ZAN: variants seen among roughly 807,000 people sequenced by gnomAD.
ZAN encodes zonadhesin (gene/pseudogene).
A neutral mutation model predicts 286.2 loss-of-function variants in ZAN; 260 were observed. The ratio of observed to expected loss-of-function variants is 0.91; its 90% CI spans 0.82 to 1.01. The LOEUF is 1.01. Ranked by LOEUF, ZAN falls within the 50% of genes least tolerant of loss-of-function variation. The pLI is 0.00. For synonymous variants in ZAN, 1,368 were observed against 1,417.5 expected (o/e 0.97, Z 0.79); for missense variants, 3,410 against 3,639.2 (o/e 0.94, Z 1.62).
At chr7:100,735,550 G>GAAA (rs368199475) in intron 2 of ZAN, among the ~76,000 whole-genome samples, 170 bp from the exon 3 acceptor site, 2 of 105,408 alleles carry the variant, frequency 1.9e-5, no homozygotes, top group African/African-American at 7.2e-5. Context: ...CTGGGTGCCG[G>GAAA]AAAAAAAAAA....
rs985525623 is a variant in ZAN at position 100,753,298 on chromosome 7, A to T, written c.3124+69A>T. 5.4e-6 allele frequency: 8 copies of T among 1,478,358 alleles called. No individual in the cohort carries two copies. In the African/African-American group the frequency reaches 9.9e-5, roughly 18 times the overall value. The allele number at this position is 1,478,358 out of a possible 1,614,324, so 91.6% of individuals were successfully genotyped here. On this transcript the variant is annotated intron_variant, in intron 14 of 47. Transcript: ENST00000613979. ...CAATGACTAGGAGACAGTCAGGGAAAGGGATGCTTCTGGTAGAAGCCTTCT... is the reference window on the plus strand; with the variant it reads ...CAATGACTAGGAGACAGTCAGGGAATGGGATGCTTCTGGTAGAAGCCTTCT...
At chr7:100,762,419 CT>C (rs869138443) in intron 20 of ZAN, 61 bp downstream of exon 20, 142,066 of 1,000,400 alleles carry the variant, frequency 0.14, 439 homozygotes, top group East Asian at 0.26. Context: ...CTGGAACTCT[CT>C]TTTTTTTTTT....
rs1288933991 is a variant in ZAN, at chr7:100,773,771, C to T, written c.5685C>T (p.Cys1895=). 3 of 1,612,082 alleles carry T rather than the reference C, an allele frequency of 1.9e-6. No individual in the cohort carries two copies. Among genetic ancestry groups the T allele is most frequent in the Admixed American group, 1.7e-5 (1 of 59,734 alleles). ...ACACCTGCACCAGGCTCTGCACCTG[C>T]TCCGTCCACAACAACATCACCTGCT... ...TENTCTRLCT[C]SVHNNITCFQ... The change falls in exon 31 of 48, where the codon TGC becomes TGT. Residue 1895 remains cysteine, a synonymous_variant. Coordinates refer to ENST00000613979, the MANE Select transcript of ZAN (RefSeq NM_003386.3).
chr7:100,749,650 AAAT>A (rs1562921290), intron 11 of ZAN, among the ~76,000 whole-genome samples: 2 of 121,182 alleles, frequency 1.7e-5, no homozygotes, highest in Non-Finnish European at 3.5e-5. Context: ...AAAAAAAAAA[AAAT>A]ATATATATAT....
In ZAN at chr7:100,748,488, C is replaced by T. The variant is rs775010742; in HGVS notation, c.1249+18C>T. On this transcript the variant is annotated intron_variant, in intron 11 of 47. Coordinates refer to ENST00000613979, the MANE Select transcript of ZAN (RefSeq NM_003386.3). ...TAATGCAGGTGAGGAGATTGAGGAG[C>T]GCTCACGCCAAGAAATCACTCAGTC... 10 of 1,598,720 alleles carry T rather than the reference C, an allele frequency of 6.3e-6. No homozygotes were observed. The highest frequency in any genetic ancestry group is 3.5e-5 in the Admixed American group (2 of 56,948).
In ZAN at chr7:100,762,326, C is replaced by G. The variant is rs1439599917; in HGVS notation, c.3954C>G (p.Asn1318Lys). Residue 1318 changes from asparagine (N) to lysine (K), a missense_variant, in exon 20 of 48, where the codon AAC becomes AAG. By Grantham distance (94) the Asn-to-Lys change is moderately conservative. Transcript: ENST00000613979. ...SPAGDKEELG[N>K]SWQTDQDEDQ... ...CAGGAGACAAGGAGGAGCTGGGGAA[C>G]AGCTGGCAGACGGACCAGGACGAGG... is the stretch of plus-strand genomic sequence containing the variant. 1.9e-6 allele frequency: 3 copies of G among 1,612,464 alleles called. No homozygotes were observed. Among genetic ancestry groups the G allele is most frequent in the Non-Finnish European group, 1.7e-6 (2 of 1,179,272 alleles).
rs374455509 is a variant in ZAN at position 100,791,036 on chromosome 7, C to T, written c.7452C>T (p.Gly2484=). The change falls in exon 40 of 48, where the codon GGC becomes GGT. Residue 2484 remains glycine (G), a synonymous_variant. Transcript: ENST00000613979. ...AGAATGACATGATGCTGCCCAGTGGCGCCCTGACCCAGAACCTCAACACCT... is the reference window on the plus strand; with the variant it reads ...AGAATGACATGATGCTGCCCAGTGGTGCCCTGACCCAGAACCTCAACACCT... ...NRKNDMMLPS[G]ALTQNLNTFG... 28 of 1,612,744 alleles carry T rather than the reference C, an allele frequency of 1.7e-5. No homozygotes were observed. Among genetic ancestry groups the T allele is most frequent in the East Asian group, 4.5e-5 (2 of 44,856 alleles).
chr7:100,755,495 A>T, intron 15 of ZAN, 85 bp downstream of exon 15: 1 of 1,505,240 alleles, frequency 6.6e-7, no homozygotes. Context: ...CCCCATGTGA[A>T]GGCAACAGGG....
Position 100,766,567 on chromosome 7 carries a change from G to C in ZAN, c.4513G>C (p.Val1505Leu), listed in dbSNP as rs368074594. ...WYKPGCKELC[V>L]CESNNRIRCQ... Reference sequence around the variant, plus strand: ...CAAGCCAGGCTGCAAAGAGTTGTGCGTCTGTGAAAGCAACAACAGAATTCG... The same window carrying C: ...CAAGCCAGGCTGCAAAGAGTTGTGCCTCTGTGAAAGCAACAACAGAATTCG... Residue 1505 changes from valine to leucine, a missense_variant, in exon 24 of 48, where the codon GTC becomes CTC. Val to Leu is a conservative substitution (Grantham distance 32). Around this residue, in one of 7 missense-constraint regions of ZAN, gnomAD observed 1,042 missense variants for 1,058.0 expected, o/e 0.98. Transcript: ENST00000613979. The C allele has an allele frequency of 6.4e-7, 1 of 1,552,124 alleles. No individual in the cohort carries two copies. The highest frequency in any genetic ancestry group is 8.7e-7 in the Non-Finnish European group (1 of 1,147,232).
Position 100,791,022 on chromosome 7 carries a change from A to G in ZAN, c.7438A>G (p.Met2480Val), listed in dbSNP as rs376020540. Reference sequence around the variant, plus strand: ...CGACAAGAACCGCAAGAATGACATGATGCTGCCCAGTGGCGCCCTGACCCA... The same window carrying G: ...CGACAAGAACCGCAAGAATGACATGGTGCTGCCCAGTGGCGCCCTGACCCA... Reference protein sequence around the residue: ...NYDKNRKNDMMLPSGALTQNL... With the variant: ...NYDKNRKNDMVLPSGALTQNL... Residue 2480 changes from methionine (M) to valine (V), a missense_variant, in exon 40 of 48, where the codon ATG becomes GTG. Physicochemically the swap from Met to Val is conservative, Grantham distance 21 (BLOSUM62 1). Transcript: ENST00000613979. The G allele has an allele frequency of 3.1e-6, 5 of 1,612,800 alleles. No individual in the cohort carries two copies. Among genetic ancestry groups the G allele is most frequent in the Non-Finnish European group, 3.4e-6 (4 of 1,179,564 alleles).
chr7:100,758,272 G>A lies in ZAN; in HGVS notation c.3380G>A (p.Cys1127Tyr). Residue 1127 changes from cysteine to tyrosine, a missense_variant, in exon 16 of 48, where the codon TGC becomes TAC. Physicochemically the swap from Cys to Tyr is radical, Grantham distance 194. This residue lies in a region of ZAN where 1,042 missense variants were observed against 1,058.0 expected (regional missense o/e 0.98). Transcript: ENST00000613979. ...CRCWPGSRVE[C>Y]QISQCGTHTV... ...TGCTGGCCCGGCAGTCGGGTCGAGT[G>A]CCAGATCTCTCAGTGTGGGACACAC... 1 of 1,613,410 alleles carries A rather than the reference G, an allele frequency of 6.2e-7. No homozygotes were observed. The highest frequency in any genetic ancestry group is 8.5e-7 in the Non-Finnish European group (1 of 1,179,888).
At chr7:100,746,795 AG>A in intron 8 of ZAN, 93 bp downstream of exon 8, 2 of 1,442,876 alleles carry the variant, frequency 1.4e-6, no homozygotes, top group South Asian at 2.5e-5. Context: ...CTCAGGGTCT[AG>A]GGAGGTCTGG....
At position 100,779,595 on chromosome 7, in the gene ZAN, G is replaced by C. The variant is rs773132414; in HGVS notation, c.6467G>C (p.Arg2156Pro). ...RAPVWAQCAS[R>P]IDLTPFLVDC... ...CCTGTGTGGGCCCAGTGCGCCTCCCGCATAGACCTCACGCCCTTCCTGGTG... is the reference window on the plus strand; with the variant it reads ...CCTGTGTGGGCCCAGTGCGCCTCCCCCATAGACCTCACGCCCTTCCTGGTG... The change falls in exon 35 of 48, where the codon CGC becomes CCC. Residue 2156 changes from arginine to proline, a missense_variant. Coordinates refer to ENST00000613979, the MANE Select transcript of ZAN (RefSeq NM_003386.3). The C allele has an allele frequency of 6.2e-7, 1 of 1,608,380 alleles. No homozygotes were observed. The highest frequency in any genetic ancestry group is 8.5e-7 in the Non-Finnish European group (1 of 1,177,530).
chr7:100,795,153 T>TCCTCCCAGGGCCCC, intron 44 of ZAN, 43 bp from the exon 45 acceptor site: 1 of 1,577,146 alleles, frequency 6.3e-7, no homozygotes, highest in Middle Eastern at 2.0e-4. Flanking sequence ...GCTGGGAGTG[T>TCCTCCCAGGGCCCC]CCTCCCAGGG....
At chr7:100,754,482 T>A (rs577491526) in intron 14 of ZAN, among the ~76,000 whole-genome samples, 26 of 151,806 alleles carry the variant, frequency 1.7e-4, no homozygotes, top group Admixed American at 8.5e-4. Flanking sequence ...TAAAAATAAA[T>A]AAATAAATAA....
intron 40 of ZAN, among the ~76,000 whole-genome samples, chr7:100,791,482 C>A (rs1256821289): frequency 6.6e-6 from 1 of 152,104 alleles, no homozygotes; most frequent in Non-Finnish European, 1.5e-5. Context: ...TCTCAGCTCA[C>A]TGCAACCTCT....
At chr7:100,771,779 A>G (rs1810380463) in intron 28 of ZAN, 65 bp from the exon 29 acceptor site, 2 of 1,516,218 alleles carry the variant, frequency 1.3e-6, no homozygotes. Flanking sequence ...AGCCCCAGGG[A>G]AGCCACATGG....
In ZAN at chr7:100,765,645, G is replaced by A. The variant is rs184301974; in HGVS notation, c.4470+91G>A. 471 of 1,429,448 alleles carry A rather than the reference G, an allele frequency of 3.3e-4. 8 individuals are homozygous for A. In the South Asian group the frequency reaches 6.0e-3, roughly 18 times the overall value. The allele number at this position is 1,429,448 out of a possible 1,614,324, so 88.5% of individuals were successfully genotyped here. ...CCTGCAAGCTCTTTCTTTTCTTTTC[G>A]TTTCTTGTTTTGTTTTGTTTTTGAG... On this transcript the variant is annotated intron_variant, in intron 23 of 47. Coordinates refer to ENST00000613979, the MANE Select transcript of ZAN (RefSeq NM_003386.3).
Position 100,775,477 on chromosome 7 carries a change from G to A in ZAN, c.5929G>A (p.Glu1977Lys), listed in dbSNP as rs759680506. 6 of 1,613,856 alleles carry A rather than the reference G, an allele frequency of 3.7e-6. No homozygotes were observed. The highest frequency in any genetic ancestry group is 5.1e-6 in the Non-Finnish European group (6 of 1,179,898). ...CTTCTTCAAGATCAGTGCCAAGCAT[G>A]AGAAGGAGGAAGGTGGAACTGAGGC... Reference protein sequence around the residue: ...LPFFKISAKHEKEEGGTEAFR... With the variant: ...LPFFKISAKHKKEEGGTEAFR... Residue 1977 changes from glutamate to lysine, a missense_variant, in exon 32 of 48, where the codon GAG (glutamate) becomes AAG (lysine). Physicochemically the swap from Glu to Lys is moderately conservative, Grantham distance 56 (BLOSUM62 1). Around this residue, in one of 7 missense-constraint regions of ZAN, gnomAD observed 1,289 missense variants for 1,314.3 expected, o/e 0.98. Transcript: ENST00000613979.
Sources: gnomAD v4.1 joint callset for allele counts (sites outside exome capture counted in the v4.1 genomes callset) on GRCh38, gnomAD v4.1.1 for gene constraint, gnomAD v4.1.1 regional missense constraint, MANE v1.5 for transcripts, NCBI Gene and HGNC (gene_info 2026-07-23, HGNC 2026-07-21) for gene names.